The following MASP1 variants were observed in gnomAD, a reference collection of about 807,000 sequenced individuals.
MASP1 encodes mannan-binding lectin serine protease 1.
MASP1 carries 59 observed loss-of-function variants against 77.1 expected under a neutral mutation model. The ratio of observed to expected loss-of-function variants is 0.77; its 90% confidence interval spans 0.62 to 0.95. The LOEUF (loss-of-function observed/expected upper bound fraction) is 0.95. MASP1 is among the 40% of genes least tolerant of loss of function. MASP1 has a pLI of 0.00. For synonymous variants in MASP1, 362 were observed against 354.5 expected (o/e 1.02, Z -0.24); for missense variants, 885 against 912.9 (o/e 0.97, Z 0.39).
In MASP1 at chr3:187,225,332, TG is replaced by T. The variant is rs772934116; in HGVS notation, c.1732del (p.Gln578SerfsTer24). ...GAGGTAGGGGAAAGTACCTTCCTGC[TG>T]GGGTCCCTCAGGCAGACAGATGGGC... On this transcript the variant is annotated frameshift_variant, in exon 13 of 16. Transcript: ENST00000337774. LOFTEE classifies it high-confidence loss of function. The T allele has an allele frequency of 6.2e-7, 1 of 1,613,080 alleles. No individual in the cohort carries two copies. Among genetic ancestry groups the T allele is most frequent in the Non-Finnish European group, 8.5e-7 (1 of 1,180,018 alleles).
chr3:187,284,355 G>C (rs1027011331), intron 2 of MASP1, among the ~76,000 whole-genome samples: 1 of 152,152 alleles, frequency 6.6e-6, no homozygotes, highest in South Asian at 2.1e-4. Flanking sequence ...TAACTGGTGG[G>C]GCCGGGGCTG....
In MASP1 at chr3:187,256,683, C is replaced by CA; in HGVS notation, c.724dup (p.Cys242LeufsTer4). The CA allele has an allele frequency of 6.2e-7, 1 of 1,613,974 alleles. No homozygotes were observed. On this transcript the variant is annotated frameshift_variant, in exon 5 of 11. Coordinates refer to ENST00000296280, the MANE Select transcript of MASP1 (RefSeq NM_139125.4). LOFTEE classifies it high-confidence loss of function. ...GCTCACCTTGATGTAGTCATAGGGGCAGGGCACCTCAGGATGGTCCTCAAT... is the reference window on the plus strand; with the variant it reads ...GCTCACCTTGATGTAGTCATAGGGGCAAGGGCACCTCAGGATGGTCCTCAAT...
At chr3:187,282,495 C>CA (rs113211164) in intron 2 of MASP1, among the ~76,000 whole-genome samples, 59 of 131,086 alleles carry the variant, frequency 4.5e-4, no homozygotes, top group African/African-American at 1.5e-3. Context: ...GATTCCGTTT[C>CA]AAAAAAAAAA....
At chr3:187,232,713 A>G (rs1579472652), downstream of MASP1, among the ~76,000 whole-genome samples, 1 of 152,198 alleles carries the variant, frequency 6.6e-6, no homozygotes, top group Non-Finnish European at 1.5e-5. Flanking sequence ...TCACAACCTC[A>G]GTACCTCAGT....
chr3:187,234,268 C>A lies in MASP1; in HGVS notation c.*1416G>T, dbSNP rs1174776229. 1.6e-6 allele frequency: 2 copies of A among 1,287,124 alleles called. No individual in the cohort carries two copies. The highest frequency in any genetic ancestry group is 2.0e-6 in the Non-Finnish European group (2 of 988,694). 79.7% of individuals were successfully genotyped at this position (1,287,124 alleles called of 1,614,324 possible). Reference sequence around the variant, plus strand: ...GTTGAGAAAGTGGACACTTCCCAATCATTCCCTCTCAGGGGCTTCTCTGGC... The same window carrying A: ...GTTGAGAAAGTGGACACTTCCCAATAATTCCCTCTCAGGGGCTTCTCTGGC... On this transcript the variant is annotated 3_prime_UTR_variant, in exon 11 of 11. Coordinates refer to ENST00000296280, the MANE Select transcript of MASP1 (RefSeq NM_139125.4).
chr3:187,225,378 C>G, exon 13 of MASP1: 1 of 1,614,044 alleles, frequency 6.2e-7, no homozygotes, highest in Non-Finnish European at 8.5e-7. Context: ...GCATTCAGCA[C>G]TGGGCTCTCC....
intron 10 of MASP1, among the ~76,000 whole-genome samples, chr3:187,240,435 T>G (rs1025668373): frequency 2.2e-4 from 34 of 152,170 alleles, no homozygotes; most frequent in African/African-American, 8.0e-4. Flanking sequence ...CTCAATGCTG[T>G]CTTGAGTGAT....
chr3:187,267,109 G>A (rs1485132299), intron 2 of MASP1, among the ~76,000 whole-genome samples: 1 of 152,214 alleles, frequency 6.6e-6, no homozygotes, highest in Non-Finnish European at 1.5e-5. Context: ...ATTGGGCAAG[G>A]TGACTGGTGA....
In MASP1 at chr3:187,258,708, A is replaced by G. The variant is rs1715310879; in HGVS notation, c.548-1848T>C. On this transcript the variant is annotated intron_variant, in intron 4 of 10. Coordinates refer to ENST00000296280, the MANE Select transcript of MASP1 (RefSeq NM_139125.4). ...CTTGATTTTTAAGTTAACAGTACCA[A>G]TCACAGAGTTTTGGCCAGTCACGGG... 2.0e-5 allele frequency among the ~76,000 whole-genome samples: 3 copies of G among 152,228 alleles called. No homozygotes were observed. The South Asian group carries it at 6.2e-4, about 31-fold the overall frequency.
At chr3:187,267,518 G>A (rs1377992149) in intron 2 of MASP1, among the ~76,000 whole-genome samples, 2 of 152,306 alleles carry the variant, frequency 1.3e-5, no homozygotes, top group Admixed American at 6.5e-5. Context: ...ACTCACTGAA[G>A]GCTGTTTTGT....
intron 10 of MASP1, among the ~76,000 whole-genome samples, chr3:187,241,087 G>T (rs1451980373): frequency 2.0e-5 from 3 of 152,182 alleles, no homozygotes; most frequent in East Asian, 3.8e-4. Context: ...TTGGAAGAAA[G>T]AATTTGTCAC....
intron 2 of MASP1, among the ~76,000 whole-genome samples, chr3:187,267,509 C>T (rs142717273): frequency 6.6e-6 from 1 of 152,232 alleles, no homozygotes; most frequent in Admixed American, 6.5e-5. Context: ...ATAGTCATTA[C>T]TCACTGAAGG....
rs987265010 is a variant in MASP1, at chr3:187,218,139, C to A, written c.*1932G>T. On this transcript the variant is annotated 3_prime_UTR_variant, in exon 16 of 16. Transcript: ENST00000337774. Reference sequence around the variant, plus strand: ...TTGATTGATATCTCCTCCCCCAAAACCTTCATACCAGAATGGTCTTTCTTT... The same window carrying A: ...TTGATTGATATCTCCTCCCCCAAAAACTTCATACCAGAATGGTCTTTCTTT... The A allele has an allele frequency of 2.0e-5, 3 of 152,282 alleles. No individual in the cohort carries two copies. In the East Asian group the frequency reaches 5.8e-4, roughly 29 times the overall value. The allele number at this position is 152,282 out of a possible 1,614,324, so 9.4% of individuals were successfully genotyped here. A position where few individuals can be genotyped will look rare whatever the true frequency, so the allele number is the denominator to read the frequency against.
rs140132041 is a variant in MASP1, at chr3:187,265,186, G to A, written c.238-2466C>T. On this transcript the variant is annotated intron_variant, in intron 2 of 10. Transcript: ENST00000296280. ...ATATGCAGGATTACTGCTTGCGGAT[G>A]AACTTGAATTTGTTAATAATGAATA... Among the ~76,000 whole-genome samples, 193 of 152,264 alleles carry A rather than the reference G, an allele frequency of 1.3e-3. 1 individual carries two copies. Among genetic ancestry groups the A allele is most frequent in the African/African-American group, 4.4e-3 (184 of 41,548 alleles).
intron 2 of MASP1, among the ~76,000 whole-genome samples, chr3:187,271,913 C>G (rs187756070): frequency 6.6e-6 from 1 of 152,054 alleles, no homozygotes; most frequent in Non-Finnish European, 1.5e-5. Context: ...GCCCTTGGGT[C>G]GCAACAGAGT....
At chr3:187,287,659 C>T (rs1006168369) in intron 1 of MASP1, among the ~76,000 whole-genome samples, 2 of 152,112 alleles carry the variant, frequency 1.3e-5, no homozygotes, top group African/African-American at 2.4e-5. Flanking sequence ...ATAAAGGTCC[C>T]AGTACAGAGT....
At chr3:187,255,473 A>G (rs1320501495) in intron 5 of MASP1, among the ~76,000 whole-genome samples, 8 of 152,260 alleles carry the variant, frequency 5.3e-5, no homozygotes, top group Admixed American at 4.6e-4. Flanking sequence ...GAGACCCTGA[A>G]CAAAGAACCC....
At chr3:187,243,715 C>T in intron 8 of MASP1, 94 bp from the exon 9 acceptor site, 1 of 1,437,164 alleles carries the variant, frequency 7.0e-7, no homozygotes, top group Non-Finnish European at 9.8e-7. Flanking sequence ...ACAGGTTGTG[C>T]ACTGCACACA....
At chr3:187,267,564 C>A (rs1428048427) in intron 2 of MASP1, among the ~76,000 whole-genome samples, 1 of 149,464 alleles carries the variant, frequency 6.7e-6, no homozygotes, top group Non-Finnish European at 1.5e-5. Flanking sequence ...TAGATGTGTC[C>A]AACACATCCT....
Sources: gnomAD v4.1 joint callset for allele counts (sites outside exome capture counted in the v4.1 genomes callset) on GRCh38, gnomAD v4.1.1 for gene constraint, MANE v1.5 for transcripts, NCBI Gene and HGNC (gene_info 2026-07-23, HGNC 2026-07-21) for gene names.